The following TMC1 variants were observed in gnomAD, a reference collection of about 807,000 sequenced individuals.
The protein encoded by TMC1 is transmembrane channel-like protein 1.
Under a neutral mutation model 105.8 loss-of-function variants are expected in TMC1, and 84 were observed. That is an observed-to-expected ratio of 0.79 (90% CI 0.67 to 0.95). The LOEUF (loss-of-function observed/expected upper bound fraction) is 0.95. TMC1 is among the 40% of genes least tolerant of loss of function. TMC1 has a pLI of 0.00. For missense variants in TMC1, 817 were observed against 914.1 expected, an observed-to-expected ratio of 0.89 and a Z score of 1.37; for synonymous variants, 315 against 311.5, an observed-to-expected ratio of 1.01 and a Z score of -0.12.
chr9:72,569,150 A>G lies in TMC1; in HGVS notation c.-427-8752A>G, dbSNP rs1296014669. ...ATGGTACAGTATTTGCATACAGCCT[A>G]TGCACATCCTACTGTATACTTTAAA... On this transcript the variant is annotated intron_variant, in intron 1 of 23. Transcript: ENST00000297784. Among the ~76,000 whole-genome samples the G allele has an allele frequency of 5.9e-5, 9 of 152,316 alleles. No individual in the cohort carries two copies. In the East Asian group the frequency reaches 1.7e-3, roughly 29 times the overall value.
At chr9:72,569,699 G>A (rs941276671) in intron 1 of TMC1, among the ~76,000 whole-genome samples, 11 of 152,186 alleles carry the variant, frequency 7.2e-5, no homozygotes, top group African/African-American at 2.7e-4. Context: ...AACATGGTGA[G>A]GTAGGCAGGA....
intron 6 of TMC1, among the ~76,000 whole-genome samples, chr9:72,689,442 G>T (rs1826428924): frequency 6.6e-6 from 1 of 152,094 alleles, no homozygotes; most frequent in African/African-American, 2.4e-5. Context: ...TTCTGTATAT[G>T]TCTGCTAGGT....
chr9:72,535,186 C>T (rs752317331), intron 1 of TMC1, among the ~76,000 whole-genome samples: 1 of 152,138 alleles, frequency 6.6e-6, no homozygotes, highest in Non-Finnish European at 1.5e-5. Flanking sequence ...ACCCAGTTCA[C>T]CTCTGTTCCA....
At position 72,694,539 on chromosome 9, in the gene TMC1, T is replaced by G; in HGVS notation, c.65-4T>G. The G allele has an allele frequency of 6.2e-7, 1 of 1,611,680 alleles. No individual in the cohort carries two copies. Among genetic ancestry groups the G allele is most frequent in the Non-Finnish European group, 8.5e-7 (1 of 1,178,638 alleles). On this transcript the variant is annotated splice_region_variant and splice_polypyrimidine_tract_variant and intron_variant, in intron 6 of 23. Coordinates refer to ENST00000297784, the MANE Select transcript of TMC1 (RefSeq NM_138691.3). Reference sequence around the variant, plus strand: ...TTACTCATTGAATCAAGTGCTATGTTTAGGTGAAGAGGAAGAGGAGGTGGA... The same window carrying G: ...TTACTCATTGAATCAAGTGCTATGTGTAGGTGAAGAGGAAGAGGAGGTGGA...
At chr9:72,694,459 A>G (rs987540426) in intron 6 of TMC1, 84 bp from the exon 7 acceptor site, 10 of 1,222,090 alleles carry the variant, frequency 8.2e-6, no homozygotes, top group Non-Finnish European at 1.1e-5. Flanking sequence ...ATGTGTAATA[A>G]TAGTTATTAA....
chr9:72,667,289 G>A (rs1630771), intron 5 of TMC1, among the ~76,000 whole-genome samples: 35,062 of 151,840 alleles, frequency 0.23, 4,318 homozygotes, highest in East Asian at 0.38. Context: ...TTTCTACCCC[G>A]TGTCTCTTCA....
intron 8 of TMC1, among the ~76,000 whole-genome samples, chr9:72,704,076 A>G (rs1056796728): frequency 4.6e-5 from 7 of 152,102 alleles, no homozygotes; most frequent in Non-Finnish European, 7.4e-5. Flanking sequence ...CTCTACCCCA[A>G]TGCCACCAAT....
intron 4 of TMC1, among the ~76,000 whole-genome samples, chr9:72,632,158 G>C (rs1188359331): frequency 6.6e-6 from 1 of 152,150 alleles, no homozygotes; most frequent in East Asian, 1.9e-4. Flanking sequence ...GGTGAAGGGG[G>C]AGCTAGCATA....
At chr9:72,648,390 C>T (rs540810676) in intron 4 of TMC1, among the ~76,000 whole-genome samples, 3 of 152,320 alleles carry the variant, frequency 2.0e-5, no homozygotes, top group Non-Finnish European at 4.4e-5. Flanking sequence ...TTATTCCAAA[C>T]ATGAACCCCA....
intron 1 of TMC1, among the ~76,000 whole-genome samples, chr9:72,524,461 T>G (rs187368477): frequency 1.3e-5 from 2 of 152,160 alleles, no homozygotes; most frequent in Admixed American, 1.3e-4. Flanking sequence ...ACTAGTAATA[T>G]TAACCACATT....
chr9:72,667,546 G>A (rs962607204), intron 5 of TMC1, among the ~76,000 whole-genome samples: 8 of 152,132 alleles, frequency 5.3e-5, no homozygotes, highest in Admixed American at 1.3e-4. Context: ...TGGATATTGG[G>A]ATGTAGTCAC....
At position 72,820,880 on chromosome 9, in the gene TMC1, A is replaced by G; in HGVS notation, c.1802A>G (p.Asn601Ser). 2 of 1,614,156 alleles carry G rather than the reference A, an allele frequency of 1.2e-6. No homozygotes were observed. Among genetic ancestry groups the G allele is most frequent in the Non-Finnish European group, 1.7e-6 (2 of 1,180,030 alleles). Reference protein sequence around the residue: ...SFFAPSLPGINILRLHTSMYF... With the variant: ...SFFAPSLPGISILRLHTSMYF... ...TTTGCTCCCAGCCTCCCAGGCATCA[A>G]TATCCTTCGACTCCATACATCCATG... The change falls in exon 20 of 24, where the codon AAT becomes AGT. Residue 601 changes from asparagine to serine, a missense_variant. Transcript: ENST00000297784.
chr9:72,777,044 T>C (rs1445294712), intron 13 of TMC1, among the ~76,000 whole-genome samples: 2 of 152,214 alleles, frequency 1.3e-5, no homozygotes, highest in East Asian at 1.9e-4. Context: ...ACCAAGTCCT[T>C]GTTCTACAAG....
intron 1 of TMC1, among the ~76,000 whole-genome samples, chr9:72,555,804 G>A (rs921679371): frequency 6.6e-6 from 1 of 151,262 alleles, no homozygotes; most frequent in African/African-American, 2.4e-5. Context: ...TGTATTTTTA[G>A]TAGAGATGGG....
At chr9:72,526,963 T>A (rs1823416137) in intron 1 of TMC1, among the ~76,000 whole-genome samples, 1 of 152,222 alleles carries the variant, frequency 6.6e-6, no homozygotes, top group South Asian at 2.1e-4. Context: ...GGCCATGGAA[T>A]TGGTCTCAAT....
intron 8 of TMC1, among the ~76,000 whole-genome samples, chr9:72,725,314 T>A (rs1381803847): frequency 2.7e-5 from 3 of 112,192 alleles, no homozygotes; most frequent in African/African-American, 1.1e-4. Context: ...ACACACATTT[T>A]ATGTGTGTAT....
intron 13 of TMC1, among the ~76,000 whole-genome samples, chr9:72,787,784 A>G (rs1564553696): frequency 1.3e-5 from 2 of 152,088 alleles, no homozygotes. Flanking sequence ...TTATTCAAGA[A>G]TTGTAGAGTA....
rs55633682 is a variant in TMC1 at position 72,792,411 on chromosome 9, C to A, written c.1566+59C>A. On this transcript the variant is annotated intron_variant, in intron 17 of 23. Coordinates refer to ENST00000297784, the MANE Select transcript of TMC1 (RefSeq NM_138691.3). ...TAGATTAAAAAAAGAGAGTCAATAT[C>A]TCTTCCATAAGATTGGCTTTTAAAA... 27,473 of 1,599,808 alleles carry A rather than the reference C, an allele frequency of 0.017. 309 individuals are homozygous for A. Among genetic ancestry groups the A allele is most frequent in the Non-Finnish European group, 0.02 (23,302 of 1,167,508 alleles).
chr9:72,533,990 G>A lies in TMC1; in HGVS notation c.-428+12077G>A, dbSNP rs1439975451. Among the ~76,000 whole-genome samples, 6 of 152,058 alleles carry A rather than the reference G, an allele frequency of 3.9e-5. No individual in the cohort carries two copies. The South Asian group carries it at 1.2e-3, about 32-fold the overall frequency. On this transcript the variant is annotated intron_variant, in intron 1 of 23. Transcript: ENST00000297784. The stretch of plus-strand genomic sequence containing the variant: ...TCTATTGCAAATACAAAAATTAGCC[G>A]GGTGTGATGGTGCACGCCTGTAATC...
Sources: gnomAD v4.1 joint callset for allele counts (sites outside exome capture counted in the v4.1 genomes callset) on GRCh38, gnomAD v4.1.1 for gene constraint, MANE v1.5 for transcripts, NCBI Gene and HGNC (gene_info 2026-07-23, HGNC 2026-07-21) for gene names.